Variants in SMAD2 observed in about 807,000 individuals in gnomAD.
SMAD2 encodes MAD homolog 2.
In SMAD2, 8 loss-of-function variants were observed where a neutral mutation model predicts 64.4. The observed-to-expected ratio is 0.12, with a 90% CI of 0.07 to 0.22. The LOEUF (loss-of-function observed/expected upper bound fraction) is 0.22, where lower values mean the gene tolerates loss of function less well. Among genes scored for constraint, SMAD2 ranks in the 10% least tolerant of loss-of-function variants. SMAD2 has a pLI of 1.00. For missense variants in SMAD2, 289 were observed against 561.2 expected, an observed-to-expected ratio of 0.51 and a Z score of 4.90; for synonymous variants, 203 against 195.8, an observed-to-expected ratio of 1.04 and a Z score of -0.31.
intron 6 of SMAD2, among the ~76,000 whole-genome samples, chr18:47,864,606 A>G (rs2031424063): frequency 1.3e-5 from 2 of 152,170 alleles, no homozygotes; most frequent in South Asian, 4.1e-4. Flanking sequence ...AGCTAAGCAT[A>G]AGAAATTAAT....
chr18:47,832,111 A>G lies in SMAD2; in HGVS notation c.*9716T>C, dbSNP rs1284327316. 2 of 152,250 alleles carry G rather than the reference A, an allele frequency of 1.3e-5. No individual in the cohort carries two copies. The highest frequency in any genetic ancestry group is 1.3e-4 in the Admixed American group (2 of 15,282). 9.4% of individuals were successfully genotyped at this position (152,250 alleles called of 1,614,324 possible). A position where few individuals can be genotyped will look rare whatever the true frequency, so the allele number is the denominator to read the frequency against. ...CTTTCAATCTATTTTGAAGAGGGAA[A>G]AACAGAATATGCCAAGTGGGGAGAC... On this transcript the variant is annotated 3_prime_UTR_variant, in exon 11 of 11. Transcript: ENST00000262160.
chr18:47,819,229 A>G lies in SMAD2; in HGVS notation c.*22598T>C, dbSNP rs1912478813. The G allele has an allele frequency of 6.7e-6, 1 of 150,004 alleles. No homozygotes were observed. Among genetic ancestry groups the G allele is most frequent in the South Asian group, 2.1e-4 (1 of 4,838 alleles). The allele number at this position is 150,004 out of a possible 1,614,324, so 9.3% of individuals were successfully genotyped here. A position where few individuals can be genotyped will look rare whatever the true frequency, so the allele number is the denominator to read the frequency against. ...AAATTTTTGCCTGAATTTACTACTCAGTTTTATATTTGTCTCTGTTAGACT... is the reference window on the plus strand; with the variant it reads ...AAATTTTTGCCTGAATTTACTACTCGGTTTTATATTTGTCTCTGTTAGACT... On this transcript the variant is annotated 3_prime_UTR_variant, in exon 11 of 11. Coordinates refer to ENST00000262160, the MANE Select transcript of SMAD2 (RefSeq NM_005901.6).
chr18:47,906,386 A>G (rs1468454098), intron 1 of SMAD2, among the ~76,000 whole-genome samples: 1 of 152,230 alleles, frequency 6.6e-6, no homozygotes, highest in African/African-American at 2.4e-5. Context: ...AAAATCACAC[A>G]AAAAGGTAAG....
At chr18:47,884,497 T>G (rs1176805206) in intron 2 of SMAD2, among the ~76,000 whole-genome samples, 4 of 152,146 alleles carry the variant, frequency 2.6e-5, no homozygotes, top group Admixed American at 2.6e-4. Context: ...AATATAAACA[T>G]AGCAAATCAA....
At chr18:47,869,189 C>T (rs2144376934) in intron 4 of SMAD2, 54 bp downstream of exon 4, 1 of 1,308,446 alleles carries the variant, frequency 7.6e-7, no homozygotes, top group South Asian at 1.2e-5. Flanking sequence ...CTTAAATATA[C>T]TGAAGTTCAG....
chr18:47,924,616 C>A (rs2144552091), intron 1 of SMAD2, among the ~76,000 whole-genome samples: 1 of 152,192 alleles, frequency 6.6e-6, no homozygotes, highest in Middle Eastern at 3.4e-3. Context: ...TACCCGCCAC[C>A]ACACCCAGCT....
At chr18:47,880,878 T>C (rs1228866893) in intron 2 of SMAD2, among the ~76,000 whole-genome samples, 1 of 152,176 alleles carries the variant, frequency 6.6e-6, no homozygotes, top group Non-Finnish European at 1.5e-5. Context: ...CGTACACATG[T>C]GGGATCAGCA....
At chr18:47,925,331 G>A (rs1429219288) in intron 1 of SMAD2, among the ~76,000 whole-genome samples, 4 of 152,092 alleles carry the variant, frequency 2.6e-5, no homozygotes, top group Non-Finnish European at 4.4e-5. Context: ...CAAACCTAAA[G>A]ATACATCAAG....
intron 2 of SMAD2, among the ~76,000 whole-genome samples, chr18:47,872,795 C>A (rs903288717): frequency 6.6e-6 from 1 of 152,172 alleles, no homozygotes; most frequent in Non-Finnish European, 1.5e-5. Flanking sequence ...ATTGCCGCAC[C>A]ACCACGGTCA....
chr18:47,844,164 A>T (rs1469134388), intron 10 of SMAD2, among the ~76,000 whole-genome samples: 1 of 152,208 alleles, frequency 6.6e-6, no homozygotes, highest in African/African-American at 2.4e-5. Context: ...TCAGAAAAAA[A>T]TAGTGACAAG....
chr18:47,862,771 T>C (rs920759370), intron 6 of SMAD2, among the ~76,000 whole-genome samples: 8 of 152,358 alleles, frequency 5.3e-5, no homozygotes, highest in African/African-American at 1.9e-4. Flanking sequence ...CAAAACTGAA[T>C]TGTGAGTTAT....
intron 1 of SMAD2, among the ~76,000 whole-genome samples, chr18:47,912,678 C>A (rs1294948215): frequency 6.6e-6 from 1 of 152,088 alleles, no homozygotes; most frequent in Non-Finnish European, 1.5e-5. Context: ...CAATTATATC[C>A]TCAGAACAAA....
At chr18:47,926,224 C>T (rs989890696) in intron 1 of SMAD2, among the ~76,000 whole-genome samples, 3 of 152,320 alleles carry the variant, frequency 2.0e-5, no homozygotes, top group South Asian at 4.1e-4. Context: ...TAAGCTATAG[C>T]ACAATCTTCA....
intron 3 of SMAD2, 29 bp from the exon 4 acceptor site, chr18:47,869,465 A>C: frequency 7.4e-7 from 1 of 1,359,500 alleles, no homozygotes. Flanking sequence ...AAAAGAAAGG[A>C]GGGAACTTTA....
At position 47,830,770 on chromosome 18, in the gene SMAD2, C is replaced by T. The variant is rs540094931; in HGVS notation, c.*11057G>A. The T allele has an allele frequency of 3.9e-5, 6 of 155,474 alleles. No individual in the cohort carries two copies. The East Asian group carries it at 9.9e-4, about 26-fold the overall frequency. 9.6% of individuals were successfully genotyped at this position (155,474 alleles called of 1,614,324 possible). On this transcript the variant is annotated 3_prime_UTR_variant, in exon 11 of 11. Coordinates refer to ENST00000262160, the MANE Select transcript of SMAD2 (RefSeq NM_005901.6). The stretch of plus-strand genomic sequence containing the variant: ...AACTTTACAAGATTTAAAATCAGAG[C>T]AAATGAATTTCTTAAGTTCAAGATA...
At chr18:47,904,579 T>C (rs1457817521) in intron 1 of SMAD2, among the ~76,000 whole-genome samples, 2 of 151,872 alleles carry the variant, frequency 1.3e-5, no homozygotes, top group Non-Finnish European at 2.9e-5. Flanking sequence ...GGGCCCAAGA[T>C]CCCGTACTAA....
At chr18:47,883,667 T>C (rs1343164584) in intron 2 of SMAD2, among the ~76,000 whole-genome samples, 2 of 152,242 alleles carry the variant, frequency 1.3e-5, no homozygotes, top group Admixed American at 6.5e-5. Context: ...TTTATTGTTA[T>C]GACTCCCTGA....
chr18:47,887,709 G>A (rs909751704), intron 2 of SMAD2, among the ~76,000 whole-genome samples: 44 of 152,066 alleles, frequency 2.9e-4, no homozygotes, highest in African/African-American at 6.5e-4. Flanking sequence ...TCATTCTACC[G>A]ATACAGGGGC....
Position 47,837,580 on chromosome 18 carries a change from C to CA in SMAD2, c.*4246dup, listed in dbSNP as rs1422972195. On this transcript the variant is annotated 3_prime_UTR_variant, in exon 11 of 11. Transcript: ENST00000262160. ...CCCTCTCAAAAAAAAAAAAAAAAAACAAAAAACAAGGCTAACAAGAAAGAG... is the reference window on the plus strand; with the variant it reads ...CCCTCTCAAAAAAAAAAAAAAAAAACAAAAAAACAAGGCTAACAAGAAAGAG... 6 of 179,632 alleles carry CA rather than the reference C, an allele frequency of 3.3e-5. No individual in the cohort carries two copies. Among genetic ancestry groups the CA allele is most frequent in the Admixed American group, 2.2e-4 (3 of 13,490 alleles). The allele number at this position is 179,632 out of a possible 1,614,324, so 11.1% of individuals were successfully genotyped here. A position where few individuals can be genotyped will look rare whatever the true frequency, so the allele number is the denominator to read the frequency against.
Sources: allele counts gnomAD v4.1 joint callset (sites outside exome capture counted in the v4.1 genomes callset), GRCh38; gene constraint gnomAD v4.1.1; transcripts MANE v1.5; gene names NCBI Gene and HGNC (gene_info 2026-07-23, HGNC 2026-07-21).